Variants in SLCO1C1 observed in about 807,000 individuals in gnomAD.
SLCO1C1 encodes OAT-RP-5.
A neutral mutation model predicts 76.4 loss-of-function variants in SLCO1C1; 70 were observed. The ratio of observed to expected loss-of-function variants is 0.92; its 90% CI spans 0.76 to 1.12. SLCO1C1 has a LOEUF of 1.12. Ranked by LOEUF, SLCO1C1 falls within the 50% of genes most tolerant of loss-of-function variation. The pLI is 0.00. For missense variants in SLCO1C1, 912 were observed against 823.8 expected (o/e 1.11, Z -1.31); for synonymous variants, 306 against 286.1 (o/e 1.07, Z -0.70).
chr12:20,737,256 G>A lies in SLCO1C1; in HGVS notation c.1532G>A (p.Arg511Lys), dbSNP rs759358257. ...ACLAGCQTSN[R>K]SGKNIIFYNC... ...CTTGCTGGTTGTCAAACCTCCAACA[G>A]GAGTGGAAAAAATATTGTAAGAAAT... The change falls in exon 11 of 15, where the codon AGG (arginine) becomes AAG (lysine). Residue 511 changes from arginine to lysine, a missense_variant. Arg to Lys is a conservative substitution (Grantham distance 26). Coordinates refer to ENST00000266509, the MANE Select transcript of SLCO1C1 (RefSeq NM_017435.5). The A allele has an allele frequency of 9.0e-6, 14 of 1,558,988 alleles. No homozygotes were observed. The highest frequency in any genetic ancestry group is 1.2e-5 in the Non-Finnish European group (14 of 1,161,030).
At chr12:20,752,124 G>C (rs995937069) in intron 14 of SLCO1C1, among the ~76,000 whole-genome samples, 182 bp from the exon 15 acceptor site, 2 of 152,108 alleles carry the variant, frequency 1.3e-5, no homozygotes, top group African/African-American at 4.8e-5. Flanking sequence ...GTGCTACTAA[G>C]ACATTGCTTT....
In SLCO1C1 at chr12:20,732,894, TTTC is replaced by T. The variant is rs1476333993; in HGVS notation, c.1187-12_1187-10del. On this transcript the variant is annotated splice_polypyrimidine_tract_variant and intron_variant, in intron 9 of 14. Transcript: ENST00000266509. Reference sequence around the variant, plus strand: ...TTAGAGATTCACAAAATGATATATTTTTCTTGTTTCTCAGGGCTCATCAACATT... The same window carrying T: ...TTAGAGATTCACAAAATGATATATTTTTGTTTCTCAGGGCTCATCAACATT... 1 of 1,612,634 alleles carries T rather than the reference TTTC, an allele frequency of 6.2e-7. No individual in the cohort carries two copies.
chr12:20,717,244 T>A lies in SLCO1C1; in HGVS notation c.775+14T>A. ...TTGTAAACCTAGGTAAGGAAGTTTA[T>A]TTTTTATTTATTCATGTATTTTAGT... On this transcript the variant is annotated intron_variant, in intron 7 of 14. Coordinates refer to ENST00000266509, the MANE Select transcript of SLCO1C1 (RefSeq NM_017435.5). 1 of 1,568,968 alleles carries A rather than the reference T, an allele frequency of 6.4e-7. No homozygotes were observed.
intron 8 of SLCO1C1, among the ~76,000 whole-genome samples, chr12:20,722,857 T>C (rs1489344151): frequency 6.6e-6 from 1 of 152,212 alleles, no homozygotes; most frequent in Non-Finnish European, 1.5e-5. Flanking sequence ...ATATAATCTA[T>C]ACTGCATGTC....
At chr12:20,712,449 A>C (rs530609603) in intron 5 of SLCO1C1, among the ~76,000 whole-genome samples, 26 of 152,262 alleles carry the variant, frequency 1.7e-4, no homozygotes, top group Admixed American at 8.5e-4. Context: ...GAATTTGTCC[A>C]TAGGTGTTTA....
intron 1 of SLCO1C1, among the ~76,000 whole-genome samples, chr12:20,698,186 G>A (rs1038695231): frequency 1.3e-5 from 2 of 151,708 alleles, no homozygotes; most frequent in Non-Finnish European, 2.9e-5. Flanking sequence ...TTAATATTAT[G>A]TATTTATATC....
rs573392645 is a variant in SLCO1C1 at position 20,745,329 on chromosome 12, C to T, written c.1798+1960C>T. On this transcript the variant is annotated intron_variant, in intron 13 of 14. Coordinates refer to ENST00000266509, the MANE Select transcript of SLCO1C1 (RefSeq NM_017435.5). ...AGCATACATTGGTTAAATAAGCATA[C>T]ATGAAAAACTTTAAATGCCTTAAAA... is the stretch of plus-strand genomic sequence containing the variant. 5.9e-5 allele frequency among the ~76,000 whole-genome samples: 9 copies of T among 152,194 alleles called. No individual in the cohort carries two copies. In the East Asian group the frequency reaches 1.7e-3, roughly 29 times the overall value.
chr12:20,725,319 A>G (rs1222385598), intron 9 of SLCO1C1, among the ~76,000 whole-genome samples: 1 of 136,158 alleles, frequency 7.3e-6, no homozygotes, highest in East Asian at 2.0e-4. Flanking sequence ...ATATTACACT[A>G]TAAGATAGTA....
chr12:20,703,955 CTGTGTG>C (rs146325219), intron 3 of SLCO1C1, among the ~76,000 whole-genome samples: 49 of 140,364 alleles, frequency 3.5e-4, no homozygotes, highest in Middle Eastern at 7.0e-3. Flanking sequence ...TCGAGTGTGT[CTGTGTG>C]TGTGTGTGTG....
intron 9 of SLCO1C1, among the ~76,000 whole-genome samples, chr12:20,724,243 TTA>T (rs1391208003): frequency 6.6e-6 from 1 of 151,638 alleles, no homozygotes; most frequent in Non-Finnish European, 1.5e-5. Flanking sequence ...AATCAATGCT[TTA>T]TATTGATTTT....
chr12:20,752,737 T>A lies in SLCO1C1; in HGVS notation c.*209T>A, dbSNP rs1050473574. ...ATGATAAAACTAATTTTGAACTTTTTAATTTATATAAATTATTTTATATCA... is the reference window on the plus strand; with the variant it reads ...ATGATAAAACTAATTTTGAACTTTTAAATTTATATAAATTATTTTATATCA... On this transcript the variant is annotated 3_prime_UTR_variant, in exon 15 of 15. Transcript: ENST00000266509. 2.8e-6 allele frequency: 1 copy of A among 353,990 alleles called. No homozygotes were observed. The highest frequency in any genetic ancestry group is 5.0e-6 in the Non-Finnish European group (1 of 199,706). 21.9% of individuals were successfully genotyped at this position (353,990 alleles called of 1,614,324 possible).
intron 3 of SLCO1C1, among the ~76,000 whole-genome samples, chr12:20,704,588 A>G (rs1221202580): frequency 6.6e-6 from 1 of 151,866 alleles, no homozygotes; most frequent in Non-Finnish European, 1.5e-5. Context: ...TCTTGGAGCC[A>G]TAAAGACTAG....
At chr12:20,723,740 G>C (rs956159534) in intron 9 of SLCO1C1, among the ~76,000 whole-genome samples, 1 of 152,102 alleles carries the variant, frequency 6.6e-6, no homozygotes, top group Non-Finnish European at 1.5e-5. Flanking sequence ...ATGAAGAAAT[G>C]AAAGAAGAGA....
At chr12:20,705,864 G>T in intron 3 of SLCO1C1, 85 bp from the exon 4 acceptor site, 2 of 1,325,754 alleles carry the variant, frequency 1.5e-6, no homozygotes, top group East Asian at 2.4e-5. Flanking sequence ...AACATTGCTT[G>T]GTCTGCTGTA....
chr12:20,699,737 G>A (rs1946429097), intron 2 of SLCO1C1, 32 bp downstream of exon 2: 1 of 1,579,430 alleles, frequency 6.3e-7, no homozygotes, highest in African/African-American at 1.4e-5. Flanking sequence ...TAGTGTTGAT[G>A]CTCTTAGTTT....
intron 7 of SLCO1C1, among the ~76,000 whole-genome samples, chr12:20,720,988 A>G (rs1183701170): frequency 7.9e-6 from 1 of 126,342 alleles, no homozygotes; most frequent in East Asian, 2.1e-4. Flanking sequence ...CAAGAGTGAA[A>G]CTCCATCTCA....
intron 13 of SLCO1C1, 33 bp from the exon 14 acceptor site, chr12:20,750,642 G>C (rs1555142304): frequency 6.3e-7 from 1 of 1,585,276 alleles, no homozygotes; most frequent in Non-Finnish European, 8.7e-7. Flanking sequence ...ATGTGCATAT[G>C]TTTTTAACAG....
chr12:20,751,568 C>A (rs545646047), intron 14 of SLCO1C1, among the ~76,000 whole-genome samples: 10 of 152,080 alleles, frequency 6.6e-5, no homozygotes, highest in African/African-American at 1.7e-4. Flanking sequence ...GGTTTTGATG[C>A]TATGCGTGAA....
chr12:20,724,611 TG>T (rs1369550214), intron 9 of SLCO1C1, among the ~76,000 whole-genome samples: 3 of 148,420 alleles, frequency 2.0e-5, no homozygotes, highest in Non-Finnish European at 4.5e-5. Context: ...TGCCTGTTTT[TG>T]AACTTCATAT....
Sources: allele counts gnomAD v4.1 joint callset (sites outside exome capture counted in the v4.1 genomes callset), GRCh38; gene constraint gnomAD v4.1.1; transcripts MANE v1.5; gene names NCBI Gene and HGNC (gene_info 2026-07-23, HGNC 2026-07-21).